The following COL23A1 variants were observed in gnomAD, a reference collection of about 807,000 sequenced individuals.
The protein encoded by COL23A1 is collagen type XXIII alpha 1 chain.
COL23A1 carries 97 observed loss-of-function variants against 99.3 expected under a neutral mutation model. That is an observed-to-expected ratio of 0.98 (90% confidence interval 0.83 to 1.16). COL23A1 has a LOEUF of 1.16. COL23A1 is among the 50% of genes most tolerant of loss of function. COL23A1 has a pLI of 0.00. For missense variants in COL23A1, 762 were observed against 757.4 expected, an observed-to-expected ratio of 1.01 and a Z score of -0.07; for synonymous variants, 320 against 308.2, an observed-to-expected ratio of 1.04 and a Z score of -0.40.
At chr5:178,414,568 T>C (rs907379425) in intron 2 of COL23A1, among the ~76,000 whole-genome samples, 1 of 152,052 alleles carries the variant, frequency 6.6e-6, no homozygotes, top group Non-Finnish European at 1.5e-5. Context: ...GGTCAGGAGT[T>C]CGAGACCAGC....
chr5:178,466,398 C>T (rs1756424783), intron 2 of COL23A1, among the ~76,000 whole-genome samples: 1 of 152,186 alleles, frequency 6.6e-6, no homozygotes, highest in Non-Finnish European at 1.5e-5. Flanking sequence ...GTCACAAAAG[C>T]AAGCCTGGAC....
intron 2 of COL23A1, among the ~76,000 whole-genome samples, chr5:178,378,617 C>T (rs548826970): frequency 4.6e-5 from 7 of 152,278 alleles, no homozygotes; most frequent in African/African-American, 1.2e-4. Flanking sequence ...CCCGCAGAGG[C>T]GACAATGAAC....
At chr5:178,360,204 G>C (rs1036668766) in intron 2 of COL23A1, among the ~76,000 whole-genome samples, 5 of 152,186 alleles carry the variant, frequency 3.3e-5, no homozygotes, top group Non-Finnish European at 7.3e-5. Flanking sequence ...AGATTTCTCG[G>C]TTGGCCCCAA....
chr5:178,264,300 A>G (rs1765794338), intron 8 of COL23A1, among the ~76,000 whole-genome samples: 1 of 151,530 alleles, frequency 6.6e-6, no homozygotes, highest in Non-Finnish European at 1.5e-5. Context: ...TATTCACTAC[A>G]ATTACATGTA....
At chr5:178,363,847 T>A (rs1170880113) in intron 2 of COL23A1, among the ~76,000 whole-genome samples, 1 of 152,196 alleles carries the variant, frequency 6.6e-6, no homozygotes, top group East Asian at 1.9e-4. Flanking sequence ...TATGATCACA[T>A]TAGCAAGTCC....
At chr5:178,293,153 A>T (rs7380466) in intron 3 of COL23A1, among the ~76,000 whole-genome samples, 2 of 151,678 alleles carry the variant, frequency 1.3e-5, no homozygotes, top group Non-Finnish European at 2.9e-5. Flanking sequence ...CTGGAGATGG[A>T]TATGGGTATT....
At chr5:178,509,544 C>T (rs1484663495) in intron 2 of COL23A1, among the ~76,000 whole-genome samples, 5 of 152,108 alleles carry the variant, frequency 3.3e-5, no homozygotes, top group African/African-American at 9.7e-5. Context: ...TAACAAGACC[C>T]CAGCTGAGAT....
chr5:178,450,881 A>G (rs1767449962), intron 2 of COL23A1, among the ~76,000 whole-genome samples: 1 of 152,186 alleles, frequency 6.6e-6, no homozygotes, highest in Admixed American at 6.5e-5. Flanking sequence ...GGATAAGAAC[A>G]CCCAGTTCAG....
chr5:178,252,017 G>A (rs914808300), intron 17 of COL23A1, among the ~76,000 whole-genome samples: 5 of 150,844 alleles, frequency 3.3e-5, no homozygotes, highest in African/African-American at 7.3e-5. Flanking sequence ...AGGTTCAAGC[G>A]ATTCTCCTGC....
At chr5:178,288,404 C>T in intron 4 of COL23A1, 54 bp from the exon 5 acceptor site, 2 of 1,493,216 alleles carry the variant, frequency 1.3e-6, no homozygotes, top group Non-Finnish European at 1.9e-6. Flanking sequence ...AACCATATGG[C>T]AACACTTAGA....
At chr5:178,354,348 A>G (rs1199429277) in intron 2 of COL23A1, among the ~76,000 whole-genome samples, 3 of 152,074 alleles carry the variant, frequency 2.0e-5, no homozygotes, top group Admixed American at 6.5e-5. Flanking sequence ...AGCTGCGACT[A>G]CAGGCACATG....
intron 1 of COL23A1, among the ~76,000 whole-genome samples, chr5:178,573,153 G>A (rs1341304774): frequency 1.3e-5 from 2 of 152,176 alleles, no homozygotes; most frequent in Non-Finnish European, 2.9e-5. Context: ...GTGCACAGAT[G>A]TCAAAATTTA....
chr5:178,397,310 G>A (rs1346858234), intron 2 of COL23A1, among the ~76,000 whole-genome samples: 2 of 152,254 alleles, frequency 1.3e-5, no homozygotes, highest in African/African-American at 4.8e-5. Context: ...TTAGCAAGAC[G>A]CAAGGAGGGG....
intron 2 of COL23A1, among the ~76,000 whole-genome samples, chr5:178,337,444 T>C (rs1446412570): frequency 1.3e-5 from 2 of 152,200 alleles, no homozygotes; most frequent in South Asian, 2.1e-4. Context: ...GTTCCATAAA[T>C]TGGAGTGAGT....
At chr5:178,512,937 G>A (rs899323311) in intron 2 of COL23A1, among the ~76,000 whole-genome samples, 1 of 152,194 alleles carries the variant, frequency 6.6e-6, no homozygotes, top group African/African-American at 2.4e-5. Context: ...GCTAGTAAGA[G>A]GCAGAGCTGG....
At chr5:178,400,362 G>A (rs1304327422) in intron 2 of COL23A1, among the ~76,000 whole-genome samples, 9 of 73,046 alleles carry the variant, frequency 1.2e-4, no homozygotes, top group East Asian at 5.9e-4. Context: ...GCGAGACTCC[G>A]TCTCAAAAAA....
intron 3 of COL23A1, among the ~76,000 whole-genome samples, chr5:178,303,641 C>A (rs964657722): frequency 1.3e-5 from 2 of 152,230 alleles, no homozygotes; most frequent in East Asian, 1.9e-4. Flanking sequence ...CCGGGAAGTG[C>A]CTCCGTTTGT....
chr5:178,253,807 C>T (rs1765163519), intron 16 of COL23A1, among the ~76,000 whole-genome samples: 1 of 152,080 alleles, frequency 6.6e-6, no homozygotes, highest in Non-Finnish European at 1.5e-5. Context: ...AACATCATGC[C>T]CTGCATGGAC....
intron 2 of COL23A1, among the ~76,000 whole-genome samples, chr5:178,417,217 C>T (rs1260094334): frequency 6.6e-6 from 1 of 152,178 alleles, no homozygotes; most frequent in Non-Finnish European, 1.5e-5. Context: ...ACATACAACA[C>T]ATACAACACA....
Sources: allele counts gnomAD v4.1 joint callset (sites outside exome capture counted in the v4.1 genomes callset), GRCh38; gene constraint gnomAD v4.1.1; transcripts MANE v1.5; gene names NCBI Gene and HGNC (gene_info 2026-07-23, HGNC 2026-07-21).